PCDH11X: variants seen among roughly 807,000 people sequenced by gnomAD.
The protein encoded by PCDH11X is protocadherin-11 X-linked.
In PCDH11X, 18 loss-of-function variants were observed where a neutral mutation model predicts 53.3. The observed-to-expected ratio is 0.34, with a 90% confidence interval of 0.23 to 0.50. The LOEUF is 0.50. PCDH11X is among the 20% of genes least tolerant of loss of function. The probability of loss-of-function intolerance (pLI) is 0.98; values close to 1 mark genes in which losing one functional copy is unlikely to be tolerated. For synonymous variants in PCDH11X, 279 were observed against 393.3 expected (o/e 0.71, Z 3.44); for missense variants, 570 against 1,032.4 (o/e 0.55, Z 6.14).
chrX:92,239,112 G>A (rs1242915898), intron 7 of PCDH11X, among the ~76,000 whole-genome samples: 1 of 110,890 alleles, frequency 9.0e-6, no homozygotes, highest in African/African-American at 3.3e-5. Context: ...TGTATGTCTC[G>A]TATATTAGAA....
chrX:91,879,867 G>A, intron 6 of PCDH11X: 4 of 743,395 alleles, frequency 5.4e-6, no homozygotes, highest in Non-Finnish European at 6.3e-6. Context: ...AACAAGAATG[G>A]GATTAGAAAA....
At chrX:92,467,161 T>C (rs1442568082) in intron 9 of PCDH11X, among the ~76,000 whole-genome samples, 2 of 111,171 alleles carry the variant, frequency 1.8e-5, no homozygotes, top group East Asian at 5.6e-4. Flanking sequence ...CTTCAGCTTG[T>C]ATTACCATTA....
At chrX:92,222,143 G>GT (rs2148357137) in intron 7 of PCDH11X, among the ~76,000 whole-genome samples, 1 of 36,417 alleles carries the variant, frequency 2.7e-5, no homozygotes, top group Non-Finnish European at 1.9e-4. Context: ...CTCTTCAATA[G>GT]ATTTTTTTTT....
rs112921880 is a variant in PCDH11X at position 92,282,062 on chromosome X, G to A, written c.3144+18919G>A. ...ATGAGAAAGATGAGAAAAACAAGAAGAGGAGCAGAGGAGGGAGGAGGAGAA... is the reference window on the plus strand; with the variant it reads ...ATGAGAAAGATGAGAAAAACAAGAAAAGGAGCAGAGGAGGGAGGAGGAGAA... On this transcript the variant is annotated intron_variant, in intron 8 of 10. Coordinates refer to ENST00000682573, the MANE Select transcript of PCDH11X (RefSeq NM_032968.5). Among the ~76,000 whole-genome samples, 300 of 110,945 alleles carry A rather than the reference G, an allele frequency of 2.7e-3. 2 individuals carry two copies. Among genetic ancestry groups the A allele is most frequent in the African/African-American group, 9.5e-3 (289 of 30,572 alleles).
chrX:91,893,910 A>T (rs941708692), intron 6 of PCDH11X, among the ~76,000 whole-genome samples: 4 of 111,934 alleles, frequency 3.6e-5, no homozygotes, highest in African/African-American at 1.3e-4. Context: ...CTTCCTAGAA[A>T]TAGAACGGAT....
intron 8 of PCDH11X, among the ~76,000 whole-genome samples, chrX:92,298,458 C>T (rs1206334953): frequency 1.8e-5 from 2 of 111,747 alleles, no homozygotes; most frequent in Non-Finnish European, 3.8e-5. Context: ...TATTGGTTTG[C>T]ATTTGTCGAA....
At chrX:91,918,726 G>T (rs1336046008) in intron 6 of PCDH11X, among the ~76,000 whole-genome samples, 4 of 111,313 alleles carry the variant, frequency 3.6e-5, no homozygotes, top group Non-Finnish European at 7.6e-5. Context: ...AATTATTTCA[G>T]GGAATTTTTG....
intron 7 of PCDH11X, among the ~76,000 whole-genome samples, chrX:92,231,451 A>G (rs1283290567): frequency 9.0e-6 from 1 of 111,723 alleles, no homozygotes; most frequent in Non-Finnish European, 1.9e-5. Flanking sequence ...CATTTTTTCT[A>G]TTACTATAAA....
intron 6 of PCDH11X, among the ~76,000 whole-genome samples, chrX:92,071,708 T>C (rs1165799523): frequency 9.0e-6 from 1 of 111,301 alleles, no homozygotes; most frequent in East Asian, 2.9e-4. Flanking sequence ...TTGGATAATA[T>C]CTGGAAGAAT....
intron 6 of PCDH11X, among the ~76,000 whole-genome samples, chrX:91,913,417 G>A (rs1941445637): frequency 9.0e-6 from 1 of 111,183 alleles, no homozygotes; most frequent in Non-Finnish European, 1.9e-5. Context: ...AGCTGGGTAC[G>A]GCTTCTTGCT....
chrX:91,793,508 C>T (rs1935630305), intron 1 of PCDH11X, among the ~76,000 whole-genome samples: 1 of 110,036 alleles, frequency 9.1e-6, no homozygotes, highest in African/African-American at 3.3e-5. Flanking sequence ...TACAATTATA[C>T]AGTAGTCAAT....
intron 10 of PCDH11X, among the ~76,000 whole-genome samples, chrX:92,477,731 T>C (rs1298848773): frequency 9.5e-6 from 1 of 105,417 alleles, no homozygotes; most frequent in Non-Finnish European, 1.9e-5. Context: ...AGTCTCAGAA[T>C]TTCACCCAAG....
At chrX:92,113,739 C>A in intron 6 of PCDH11X, 1 of 1,201,682 alleles carries the variant, frequency 8.3e-7, no homozygotes, top group Non-Finnish European at 1.1e-6. Context: ...CCTCCAGGGT[C>A]AACTCTTCCT....
At chrX:92,304,747 G>A (rs890011405) in intron 8 of PCDH11X, among the ~76,000 whole-genome samples, 3 of 111,787 alleles carry the variant, frequency 2.7e-5, no homozygotes, top group Admixed American at 9.5e-5. Flanking sequence ...ACTCTTTCTA[G>A]CCTATCCAAT....
chrX:91,920,600 A>G (rs1487831928), intron 6 of PCDH11X, among the ~76,000 whole-genome samples: 6 of 111,381 alleles, frequency 5.4e-5, no homozygotes, highest in Non-Finnish European at 1.1e-4. Context: ...CCCGCTCACC[A>G]AAATCAAGAA....
chrX:92,153,282 C>T (rs1303029127), intron 6 of PCDH11X, among the ~76,000 whole-genome samples: 1 of 107,246 alleles, frequency 9.3e-6, no homozygotes, highest in Non-Finnish European at 1.9e-5. Context: ...GAATAAAATG[C>T]CAATCCTATT....
intron 7 of PCDH11X, among the ~76,000 whole-genome samples, chrX:92,253,553 G>GT (rs780665883): frequency 9.0e-6 from 1 of 111,567 alleles, no homozygotes; most frequent in East Asian, 2.8e-4. Context: ...TAACAATATT[G>GT]TTTTTTCCAA....
intron 6 of PCDH11X, among the ~76,000 whole-genome samples, chrX:91,880,500 T>C: frequency 9.0e-6 from 1 of 111,437 alleles, no homozygotes. Flanking sequence ...GAAATGGGTT[T>C]AAGAATGGAG....
rs376232506 is a variant in PCDH11X at position 92,110,744 on chromosome X, G to A, written c.3034-90631G>A. Among the ~76,000 whole-genome samples, 206 of 110,856 alleles carry A rather than the reference G, an allele frequency of 1.9e-3. 1 individual carries two copies. Among genetic ancestry groups the A allele is most frequent in the South Asian group, 0.018 (46 of 2,617 alleles). On this transcript the variant is annotated intron_variant, in intron 6 of 10. Transcript: ENST00000682573. ...TGTGGGCAAAATATGGGGGAGGCGG[G>A]TAGCCTTTCATCTGGTAGCCATCTC... is the stretch of plus-strand genomic sequence containing the variant.
Sources: gnomAD v4.1 joint callset for allele counts (sites outside exome capture counted in the v4.1 genomes callset) on GRCh38, gnomAD v4.1.1 for gene constraint, MANE v1.5 for transcripts, NCBI Gene and HGNC (gene_info 2026-07-23, HGNC 2026-07-21) for gene names.